NAALADL2: variants seen among roughly 807,000 people sequenced by gnomAD.
The protein encoded by NAALADL2 is N-acetylated alpha-linked acidic dipeptidase like 2, also known as inactive N-acetylated-alpha-linked acidic dipeptidase-like protein 2.
In NAALADL2, 76 loss-of-function variants were observed where a neutral mutation model predicts 87.2. The ratio of observed to expected loss-of-function variants is 0.87; its 90% CI spans 0.72 to 1.05. NAALADL2 has a LOEUF of 1.05. Ranked by LOEUF, NAALADL2 falls within the 50% of genes least tolerant of loss-of-function variation. NAALADL2 has a pLI of 0.00. For missense variants in NAALADL2, 1,089 were observed against 945.8 expected (o/e 1.15, Z -1.99); for synonymous variants, 354 against 331.0 (o/e 1.07, Z -0.75).
At chr3:174,862,617 T>G (rs2109545643) in intron 1 of NAALADL2, among the ~76,000 whole-genome samples, 1 of 152,238 alleles carries the variant, frequency 6.6e-6, no homozygotes, top group Non-Finnish European at 1.5e-5. Context: ...CTTTCTCTCC[T>G]TTTCATCTTT....
At chr3:175,655,628 G>A (rs1252215132) in intron 11 of NAALADL2, 1 of 179,186 alleles carries the variant, frequency 5.6e-6, no homozygotes, top group Non-Finnish European at 1.2e-5. Flanking sequence ...TTACCCCAAC[G>A]ATATGTAGCA....
At chr3:174,981,787 C>T (rs1483330051) in intron 1 of NAALADL2, among the ~76,000 whole-genome samples, 2 of 152,072 alleles carry the variant, frequency 1.3e-5, no homozygotes, top group East Asian at 3.9e-4. Flanking sequence ...CCAGTACTCA[C>T]CTACCTTTTG....
intron 3 of NAALADL2, among the ~76,000 whole-genome samples, chr3:174,854,029 G>T (rs753660483): frequency 1.3e-5 from 2 of 152,110 alleles, no homozygotes; most frequent in Non-Finnish European, 2.9e-5. Flanking sequence ...TCACTGCTGG[G>T]TGTATATTCA....
At chr3:175,164,333 A>G (rs1181346556) in intron 2 of NAALADL2, among the ~76,000 whole-genome samples, 2 of 151,850 alleles carry the variant, frequency 1.3e-5, no homozygotes, top group African/African-American at 2.4e-5. Context: ...ATAAACTTTT[A>G]TTTTGCAGTC....
intron 1 of NAALADL2, among the ~76,000 whole-genome samples, chr3:174,501,018 G>T (rs1718845021): frequency 8.5e-6 from 1 of 117,024 alleles, no homozygotes; most frequent in African/African-American, 3.3e-5. Flanking sequence ...CACCATGCCC[G>T]GCCTGTATTG....
At chr3:175,578,680 T>C (rs1171589719) in intron 10 of NAALADL2, among the ~76,000 whole-genome samples, 2 of 152,214 alleles carry the variant, frequency 1.3e-5, no homozygotes, top group African/African-American at 2.4e-5. Flanking sequence ...ATCTAAGATA[T>C]GTTTGACAGT....
intron 2 of NAALADL2, among the ~76,000 whole-genome samples, chr3:174,575,205 T>C (rs754152883): frequency 6.6e-6 from 1 of 152,138 alleles, no homozygotes; most frequent in South Asian, 2.1e-4. Flanking sequence ...CAGGATATAA[T>C]GAATAAATGA....
chr3:175,395,946 C>T (rs992340136), intron 5 of NAALADL2, among the ~76,000 whole-genome samples: 1 of 152,096 alleles, frequency 6.6e-6, no homozygotes, highest in East Asian at 1.9e-4. Context: ...TTGCATATTA[C>T]CAAGCATTGG....
At chr3:174,921,094 G>T (rs1384263298) in intron 1 of NAALADL2, among the ~76,000 whole-genome samples, 1 of 152,170 alleles carries the variant, frequency 6.6e-6, no homozygotes, top group Non-Finnish European at 1.5e-5. Context: ...AAAATATTGT[G>T]AGAATTACCA....
intron 2 of NAALADL2, among the ~76,000 whole-genome samples, chr3:175,158,482 G>C (rs1732651360): frequency 6.6e-6 from 1 of 151,962 alleles, no homozygotes; most frequent in South Asian, 2.1e-4. Context: ...TTGAAAATTG[G>C]GGAATAGAAC....
chr3:175,606,201 G>A (rs9839193), intron 10 of NAALADL2, among the ~76,000 whole-genome samples: 112,844 of 152,004 alleles, frequency 0.74, 42,161 homozygotes, highest in East Asian at 0.88. Context: ...GAAAACCTCA[G>A]TAGAAATGAA....
chr3:175,248,358 A>G (rs1439979001), intron 3 of NAALADL2, among the ~76,000 whole-genome samples: 3 of 152,212 alleles, frequency 2.0e-5, no homozygotes, highest in Non-Finnish European at 4.4e-5. Context: ...TGCTGGGTAT[A>G]TAGAATGTAC....
intron 11 of NAALADL2, among the ~76,000 whole-genome samples, chr3:175,735,939 G>C (rs531457887): frequency 1.3e-5 from 2 of 152,308 alleles, no homozygotes; most frequent in South Asian, 4.1e-4. Flanking sequence ...AGTTTCACAA[G>C]ACAATGTTTT....
At chr3:175,774,427 A>AAT (rs1749939678) in intron 13 of NAALADL2, among the ~76,000 whole-genome samples, 2 of 152,058 alleles carry the variant, frequency 1.3e-5, no homozygotes, top group Non-Finnish European at 2.9e-5. Flanking sequence ...GTTAAACAAA[A>AAT]ATTTTTTAAA....
intron 9 of NAALADL2, among the ~76,000 whole-genome samples, chr3:175,518,050 A>T (rs527562822): frequency 6.6e-6 from 1 of 152,286 alleles, no homozygotes; most frequent in East Asian, 1.9e-4. Flanking sequence ...GCCGTTTTGA[A>T]CATGCCTAGT....
upstream of NAALADL2, among the ~76,000 whole-genome samples, chr3:174,855,775 TACACACACACACACACACAC>T (rs10576439): frequency 1.8e-4 from 25 of 135,650 alleles, no homozygotes; most frequent in East Asian, 4.3e-4. Flanking sequence ...AGGAGAGAAA[TACACACACACACACACACAC>T]ACACACACAC....
At chr3:174,614,124 A>G (rs1395688541) in intron 2 of NAALADL2, among the ~76,000 whole-genome samples, 1 of 152,022 alleles carries the variant, frequency 6.6e-6, no homozygotes, top group Non-Finnish European at 1.5e-5. Context: ...CCTTTTTTAG[A>G]GTTGTGAGCA....
intron 3 of NAALADL2, among the ~76,000 whole-genome samples, chr3:175,243,342 A>ACACACACG (rs745814999): frequency 9.3e-5 from 14 of 150,958 alleles, no homozygotes; most frequent in East Asian, 7.8e-4. Flanking sequence ...ACACACACAC[A>ACACACACG]CACGCACGCA....
At chr3:174,835,175 ATAAC>A (rs1400909437) in intron 3 of NAALADL2, among the ~76,000 whole-genome samples, 1 of 152,086 alleles carries the variant, frequency 6.6e-6, no homozygotes, top group Admixed American at 6.5e-5. Flanking sequence ...GACTTTAAAA[ATAAC>A]TAGGGGAAAC....
Sources: allele counts gnomAD v4.1 joint callset (sites outside exome capture counted in the v4.1 genomes callset), GRCh38; gene constraint gnomAD v4.1.1; transcripts MANE v1.5; gene names NCBI Gene and HGNC (gene_info 2026-07-23, HGNC 2026-07-21).